ACOX3: variants seen among roughly 807,000 people sequenced by gnomAD.
The protein encoded by ACOX3 is peroxisomal acyl-coenzyme A oxidase 3.
A neutral mutation model predicts 81.5 loss-of-function variants in ACOX3; 73 were observed. The observed-to-expected ratio is 0.90, with a 90% CI of 0.74 to 1.09. The LOEUF is 1.09. ACOX3 is among the 50% of genes least tolerant of loss of function. ACOX3 has a pLI of 0.00. For synonymous variants in ACOX3, 387 were observed against 375.1 expected (o/e 1.03, Z -0.37); for missense variants, 947 against 928.0 (o/e 1.02, Z -0.27).
At chr4:8,362,393 T>C (rs1715246838), downstream of ACOX3, among the ~76,000 whole-genome samples, 2 of 152,254 alleles carry the variant, frequency 1.3e-5, no homozygotes, top group African/African-American at 4.8e-5. Flanking sequence ...GAGTAAAATA[T>C]ACTCCTGTGA....
chr4:8,407,793 C>T lies in ACOX3; in HGVS notation c.688-1750G>A, dbSNP rs542675233. Among the ~76,000 whole-genome samples the T allele has an allele frequency of 4.6e-5, 7 of 152,200 alleles. No homozygotes were observed. The highest frequency in any genetic ancestry group is 7.2e-5 in the African/African-American group (3 of 41,442). On this transcript the variant is annotated intron_variant, in intron 6 of 17. Coordinates refer to ENST00000356406, the MANE Select transcript of ACOX3 (RefSeq NM_003501.3). The surrounding 1 kb of genome is among the most constrained non-coding windows in gnomAD (Gnocchi z 4.6). ...CTAATGGCTGCGCACTGTGGGAACT[C>T]GACGGAAGGACGTGGAGCTTCATCC...
At position 8,392,429 on chromosome 4, in the gene ACOX3, C is replaced by A. The variant is rs145226987; in HGVS notation, c.1204G>T (p.Ala402Ser). The change falls in exon 11 of 18, where the codon GCC (alanine) becomes TCC (serine). Residue 402 changes from alanine (A) to serine (S), a missense_variant. Physicochemically the swap from Ala to Ser is moderately conservative, Grantham distance 99 (BLOSUM62 1). Transcript: ENST00000356406. ...RQAELGREIH[A>S]LASASKPLAS... is the part of the protein sequence containing the mutation. ...AGGGGCTTGCTGGCCGATGCCAGGG[C>A]GTGGATCTCACGTCCAAGCTCTGCC... is the stretch of plus-strand genomic sequence containing the variant. 2 of 1,603,526 alleles carry A rather than the reference C, an allele frequency of 1.2e-6. No homozygotes were observed. Among genetic ancestry groups the A allele is most frequent in the Admixed American group, 3.5e-5 (2 of 56,992 alleles).
intron 1 of ACOX3, among the ~76,000 whole-genome samples, chr4:8,417,268 C>A (rs1722441378): frequency 6.6e-6 from 1 of 152,252 alleles, no homozygotes; most frequent in Non-Finnish European, 1.5e-5. Flanking sequence ...CCCACCTTCA[C>A]TGTTTAAGGC....
At position 8,366,943 on chromosome 4, in the gene ACOX3, G is replaced by C; in HGVS notation, c.*18C>G. The C allele has an allele frequency of 6.2e-7, 1 of 1,613,086 alleles. No individual in the cohort carries two copies. The highest frequency in any genetic ancestry group is 1.3e-5 in the African/African-American group (1 of 75,004). ...TCCCTTCGTTTCATTAGACTTGGCT[G>C]AATGTGTGCCAGTCCCACTAGAGCT... On this transcript the variant is annotated 3_prime_UTR_variant, in exon 18 of 18. Transcript: ENST00000356406.
intron 1 of ACOX3, among the ~76,000 whole-genome samples, chr4:8,418,471 A>AG (rs1722581532): frequency 6.6e-6 from 1 of 151,888 alleles, no homozygotes; most frequent in East Asian, 1.9e-4. Context: ...AAAAAAAAAA[A>AG]AAAAAAAATT....
intron 16 of ACOX3, 101 bp from the exon 17 acceptor site, chr4:8,371,095 C>T (rs577366072): frequency 7.8e-5 from 83 of 1,067,814 alleles, no homozygotes; most frequent in African/African-American, 3.3e-4. Context: ...CCACTAGCAA[C>T]GGGTCACCTG....
intron 7 of ACOX3, among the ~76,000 whole-genome samples, chr4:8,403,570 G>C (rs1441676935): frequency 2.0e-5 from 3 of 152,216 alleles, no homozygotes; most frequent in Non-Finnish European, 4.4e-5. Context: ...GACCTGGCTT[G>C]GTGGAGCAGC....
chr4:8,375,021 G>C lies in ACOX3; in HGVS notation c.1785C>G (p.Tyr595Ter), dbSNP rs754651480. The C allele has an allele frequency of 3.9e-6, 6 of 1,554,254 alleles. No homozygotes were observed. The African/African-American group carries it at 8.1e-5, about 21-fold the overall frequency. ...CGTGGCGGCTCAGGGACCACAGGGCGTACAGAGCACTGAGCCGCCCCAGCA... is the reference window on the plus strand; with the variant it reads ...CGTGGCGGCTCAGGGACCACAGGGCCTACAGAGCACTGAGCCGCCCCAGCA... ...RAVLGRLSAL[Y>*]ALWSLSRHAA... Residue 595 changes from tyrosine to a stop codon, truncating the protein, a stop_gained, in exon 15 of 18, where the codon TAC (tyrosine) becomes TAG (stop). Transcript: ENST00000356406. LOFTEE classifies it high-confidence loss of function.
At position 8,414,292 on chromosome 4, in the gene ACOX3, C is replaced by T. The variant is rs1180736880; in HGVS notation, c.543G>A (p.Glu181=). ...GGACCCGGGGGAAGGTAATACCTAC[C>T]TCAGTGGCAGGATCGTAGTGGGCAG... The part of the protein sequence containing the change: ...RTTAHYDPAT[E]EFIIHSPDFE... Residue 181 remains glutamate (E), a splice_region_variant and synonymous_variant, in exon 5 of 18, where the codon GAG becomes GAA. Coordinates refer to ENST00000356406, the MANE Select transcript of ACOX3 (RefSeq NM_003501.3). The surrounding 1 kb of genome is among the most constrained non-coding windows in gnomAD (Gnocchi z 6.1). 1.2e-6 allele frequency: 2 copies of T among 1,613,586 alleles called. No homozygotes were observed. The highest frequency in any genetic ancestry group is 1.7e-6 in the Non-Finnish European group (2 of 1,179,550).
intron 6 of ACOX3, among the ~76,000 whole-genome samples, chr4:8,408,818 G>A (rs1721325373): frequency 6.7e-6 from 1 of 149,054 alleles, no homozygotes; most frequent in African/African-American, 2.5e-5. Flanking sequence ...TTGATCAGAG[G>A]CACAGGCCAC....
rs1193864680 is a variant in ACOX3, at chr4:8,407,796, C to T, written c.688-1753G>A. ...ATGGCTGCGCACTGTGGGAACTCGACGGAAGGACGTGGAGCTTCATCCTTG... is the reference window on the plus strand; with the variant it reads ...ATGGCTGCGCACTGTGGGAACTCGATGGAAGGACGTGGAGCTTCATCCTTG... On this transcript the variant is annotated intron_variant, in intron 6 of 17. Coordinates refer to ENST00000356406, the MANE Select transcript of ACOX3 (RefSeq NM_003501.3). The surrounding 1 kb of genome is among the most constrained non-coding windows in gnomAD (Gnocchi z 4.6). 2.0e-5 allele frequency among the ~76,000 whole-genome samples: 3 copies of T among 152,318 alleles called. No homozygotes were observed. The highest frequency in any genetic ancestry group is 7.2e-5 in the African/African-American group (3 of 41,574).
Position 8,397,000 on chromosome 4 carries a change from G to T in ACOX3, c.993C>A (p.Ala331=). ...LAVAIALRFS[A]TRRQFGPTEE... is the part of the protein sequence containing the mutation. ...CTGTGGGTCCAAACTGACGCCGAGT[G>T]GCTGAGAAGCGAAGAGCGATGGCCA... The change falls in exon 9 of 18, where the codon GCC becomes GCA. Residue 331 remains alanine, a synonymous_variant. Coordinates refer to ENST00000356406, the MANE Select transcript of ACOX3 (RefSeq NM_003501.3). 1 of 1,612,092 alleles carries T rather than the reference G, an allele frequency of 6.2e-7. No individual in the cohort carries two copies. Among genetic ancestry groups the T allele is most frequent in the Non-Finnish European group, 8.5e-7 (1 of 1,179,200 alleles).
chr4:8,387,371 G>A (rs935648081), intron 13 of ACOX3, among the ~76,000 whole-genome samples: 3 of 152,182 alleles, frequency 2.0e-5, no homozygotes, highest in African/African-American at 4.8e-5. Flanking sequence ...GGGAGCTGAC[G>A]TCTCTCTCAC....
At position 8,368,076 on chromosome 4, in the gene ACOX3, A is replaced by G. The variant is rs1715694674; in HGVS notation, c.1984-996T>C. Among the ~76,000 whole-genome samples the G allele has an allele frequency of 6.6e-6, 1 of 151,844 alleles. No individual in the cohort carries two copies. Among genetic ancestry groups the G allele is most frequent in the Non-Finnish European group, 1.5e-5 (1 of 68,000 alleles). On this transcript the variant is annotated intron_variant, in intron 17 of 17. Transcript: ENST00000356406. This position sits in a 1 kb window ranked among gnomAD's most constrained non-coding sequence, Gnocchi z 5.9. ...CCACCGCAGGATGCTGCAAGGCTGC[A>G]TCGACTGCTGCTCTGAAATCTGCTC...
intron 8 of ACOX3, among the ~76,000 whole-genome samples, chr4:8,398,827 C>A (rs1261709216): frequency 1.3e-5 from 2 of 152,166 alleles, no homozygotes; most frequent in African/African-American, 2.4e-5. Flanking sequence ...AGCTTCCAAT[C>A]CCTAATTCAT....
Position 8,394,771 on chromosome 4 carries a change from A to C in ACOX3, c.1057-29T>G. The C allele has an allele frequency of 6.2e-7, 1 of 1,601,354 alleles. No individual in the cohort carries two copies. The highest frequency in any genetic ancestry group is 8.5e-7 in the Non-Finnish European group (1 of 1,171,606). ...GAACAGACAAGACACCTGCGTGAAC[A>C]CATCGTGGTTCCCATGAAGGGCAGC... is the stretch of plus-strand genomic sequence containing the variant. On this transcript the variant is annotated intron_variant, in intron 9 of 17. Coordinates refer to ENST00000356406, the MANE Select transcript of ACOX3 (RefSeq NM_003501.3). This position sits in a 1 kb window ranked among gnomAD's most constrained non-coding sequence, Gnocchi z 5.9.
At position 8,402,361 on chromosome 4, in the gene ACOX3, G is replaced by C. The variant is rs1011771656; in HGVS notation, c.777-2709C>G. Among the ~76,000 whole-genome samples the C allele has an allele frequency of 5.9e-5, 9 of 152,302 alleles. No individual in the cohort carries two copies. In the East Asian group the frequency reaches 1.5e-3, roughly 26 times the overall value. On this transcript the variant is annotated intron_variant, in intron 7 of 17. Coordinates refer to ENST00000356406, the MANE Select transcript of ACOX3 (RefSeq NM_003501.3). ...GGCCCAGCTGCCCAGTTTGGTAGCA[G>C]CTTCCCCCATGCCACAGCCGCACAC...
chr4:8,417,845 A>T (rs1323391794), intron 1 of ACOX3, among the ~76,000 whole-genome samples: 1 of 152,248 alleles, frequency 6.6e-6, no homozygotes, highest in African/African-American at 2.4e-5. Flanking sequence ...CAAATTCCTC[A>T]TCAGGAATCA....
intron 1 of ACOX3, among the ~76,000 whole-genome samples, chr4:8,427,732 G>A (rs1436837735): frequency 6.6e-6 from 1 of 152,220 alleles, no homozygotes; most frequent in Non-Finnish European, 1.5e-5. Context: ...CATTGGGACC[G>A]GCCTGCCACC....
Sources: gnomAD v4.1 joint callset for allele counts (sites outside exome capture counted in the v4.1 genomes callset) on GRCh38, gnomAD v4.1.1 for gene constraint, Gnocchi (gnomAD v3.1) non-coding constraint, MANE v1.5 for transcripts, NCBI Gene and HGNC (gene_info 2026-07-23, HGNC 2026-07-21) for gene names.